The following ANO6 variants were observed in gnomAD, a reference collection of about 807,000 sequenced individuals.
ANO6 encodes anoctamin-6.
A neutral mutation model predicts 117.5 loss-of-function variants in ANO6; 106 were observed. The observed-to-expected ratio is 0.90, with a 90% CI of 0.77 to 1.06. The LOEUF is 1.06. Among genes scored for constraint, ANO6 ranks in the 50% least tolerant of loss-of-function variants. The probability of loss-of-function intolerance (pLI) is 0.00; values close to 1 mark genes in which losing one functional copy is unlikely to be tolerated. For missense variants in ANO6, 955 were observed against 1,121.1 expected, an observed-to-expected ratio of 0.85 and a Z score of 2.12; for synonymous variants, 367 against 385.1, an observed-to-expected ratio of 0.95 and a Z score of 0.55.
Position 45,409,412 on chromosome 12 carries a change from A to G in ANO6, c.1936A>G (p.Thr646Ala). 2 of 1,614,050 alleles carry G rather than the reference A, an allele frequency of 1.2e-6. No individual in the cohort carries two copies. Among genetic ancestry groups the G allele is most frequent in the Non-Finnish European group, 1.7e-6 (2 of 1,179,930 alleles). Residue 646 changes from threonine to alanine, a missense_variant, in exon 16 of 20, where the codon ACC becomes GCC. Physicochemically the swap from Thr to Ala is moderately conservative, Grantham distance 58 (BLOSUM62 0). Transcript: ENST00000320560. ...CAGAGTTTCTGGATCAGAAAAGATA[A>G]CCCCACGATGGGAACAGGACTACCA... ...FHRVSGSEKI[T>A]PRWEQDYHLQ...
chr12:45,262,052 G>A (rs915300408), intron 1 of ANO6, among the ~76,000 whole-genome samples: 2 of 152,122 alleles, frequency 1.3e-5, no homozygotes, highest in African/African-American at 2.4e-5. Context: ...TATCCATGCT[G>A]CTTGATGTCT....
At chr12:45,350,237 T>C (rs1592999653) in intron 6 of ANO6, among the ~76,000 whole-genome samples, 4 of 152,216 alleles carry the variant, frequency 2.6e-5, no homozygotes, top group South Asian at 2.1e-4. Flanking sequence ...GGTTTTAGAA[T>C]TGACCCTGCT....
intron 1 of ANO6, among the ~76,000 whole-genome samples, chr12:45,249,672 C>A (rs1275623894): frequency 6.6e-6 from 1 of 152,124 alleles, no homozygotes. Context: ...TTTCAAAAAT[C>A]TTTAATATTT....
chr12:45,428,241 A>G (rs188252323), intron 19 of ANO6, among the ~76,000 whole-genome samples: 1 of 152,356 alleles, frequency 6.6e-6, no homozygotes, highest in East Asian at 1.9e-4. Flanking sequence ...ATTATAGTGT[A>G]GTCACACAGA....
At chr12:45,421,308 C>T (rs1294609095) in intron 18 of ANO6, 35 bp downstream of exon 18, 3 of 1,593,852 alleles carry the variant, frequency 1.9e-6, no homozygotes, top group Non-Finnish European at 2.6e-6. Flanking sequence ...AAATGCACTT[C>T]ATCTTTAAAA....
intron 1 of ANO6, among the ~76,000 whole-genome samples, chr12:45,281,173 C>G (rs1938719585): frequency 6.6e-6 from 1 of 152,134 alleles, no homozygotes; most frequent in Admixed American, 6.5e-5. Context: ...CTTATTTATT[C>G]ATTTAGTAAA....
rs59579814 is a variant in ANO6 at position 45,244,403 on chromosome 12, TGGG to T, written c.70+28022_70+28024del. ...GGTTACTACATAGGGCTTCTCTATT[TGGG>T]GGGGGGGGGTGGTCTGTGGATCTGC... On this transcript the variant is annotated intron_variant, in intron 1 of 19. Transcript: ENST00000320560. 8.3e-5 allele frequency among the ~76,000 whole-genome samples: 6 copies of T among 72,312 alleles called. 1 individual carries two copies. Among genetic ancestry groups the T allele is most frequent in the African/African-American group, 2.2e-4 (5 of 23,200 alleles). The allele number at this position is 72,312 out of a possible 152,430, so 47.4% of individuals were successfully genotyped here.
chr12:45,273,415 C>T (rs1192652987), intron 1 of ANO6, among the ~76,000 whole-genome samples: 1 of 152,138 alleles, frequency 6.6e-6, no homozygotes, highest in Non-Finnish European at 1.5e-5. Flanking sequence ...AGAAACTACA[C>T]ATTTGATTTG....
intron 19 of ANO6, among the ~76,000 whole-genome samples, chr12:45,427,936 CAAAAAAA>C: frequency 1.6e-5 from 1 of 62,968 alleles, no homozygotes; most frequent in African/African-American, 5.3e-5. Context: ...GACTCTGCCT[CAAAAAAA>C]AAAAAAAAAA....
intron 1 of ANO6, among the ~76,000 whole-genome samples, chr12:45,227,356 G>T: frequency 6.6e-6 from 1 of 152,188 alleles, no homozygotes; most frequent in Non-Finnish European, 1.5e-5. Context: ...ATTGGCTGCT[G>T]TTGATATAGA....
intron 8 of ANO6, among the ~76,000 whole-genome samples, chr12:45,360,371 G>A (rs1352074678): frequency 1.3e-5 from 2 of 152,154 alleles, no homozygotes; most frequent in African/African-American, 2.4e-5. Context: ...GGGCAAGTGG[G>A]GAGAACTCCC....
chr12:45,223,487 C>T (rs892944217), intron 1 of ANO6, among the ~76,000 whole-genome samples: 7 of 152,174 alleles, frequency 4.6e-5, no homozygotes, highest in African/African-American at 1.4e-4. Flanking sequence ...TTTTTCTGCT[C>T]ACAGCCTCCC....
At chr12:45,373,263 G>A (rs1256656116) in intron 9 of ANO6, among the ~76,000 whole-genome samples, 9 of 152,010 alleles carry the variant, frequency 5.9e-5, no homozygotes, top group African/African-American at 2.2e-4. Context: ...TTAATAATGG[G>A]AGACTTTAAC....
At chr12:45,384,323 T>A (rs184021965) in intron 10 of ANO6, among the ~76,000 whole-genome samples, 81 of 152,368 alleles carry the variant, frequency 5.3e-4, no homozygotes, top group African/African-American at 1.7e-3. Flanking sequence ...GTTGTTTCAC[T>A]TTTTTGTCAT....
chr12:45,399,804 CTACAAGG>C (rs1470602922), intron 12 of ANO6, among the ~76,000 whole-genome samples: 1 of 152,126 alleles, frequency 6.6e-6, no homozygotes, highest in Non-Finnish European at 1.5e-5. Flanking sequence ...TCAGTGTTCA[CTACAAGG>C]TACTTTCAGA....
chr12:45,271,585 G>A (rs1304642279), intron 1 of ANO6, among the ~76,000 whole-genome samples: 1 of 152,052 alleles, frequency 6.6e-6, no homozygotes. Context: ...TCTATCTTCT[G>A]TCATTGCAGT....
In ANO6 at chr12:45,289,107, T is replaced by C. The variant is rs547632709; in HGVS notation, c.71-12907T>C. ...ACCCTAATTGATTTAAGCAATCAAGTATTTCCTAGTAGAATTATAAGATCA... is the reference window on the plus strand; with the variant it reads ...ACCCTAATTGATTTAAGCAATCAAGCATTTCCTAGTAGAATTATAAGATCA... On this transcript the variant is annotated intron_variant, in intron 1 of 19. Transcript: ENST00000320560. Among the ~76,000 whole-genome samples the C allele has an allele frequency of 1.1e-4, 16 of 151,962 alleles. No individual in the cohort carries two copies. In the South Asian group the frequency reaches 3.1e-3, roughly 30 times the overall value.
intron 1 of ANO6, among the ~76,000 whole-genome samples, chr12:45,257,332 T>A (rs995649402): frequency 6.6e-6 from 1 of 152,142 alleles, no homozygotes. Context: ...CTAATCTCCT[T>A]GCTCATTGTT....
At chr12:45,238,882 G>C (rs1430335574) in intron 1 of ANO6, among the ~76,000 whole-genome samples, 1 of 152,160 alleles carries the variant, frequency 6.6e-6, no homozygotes, top group Non-Finnish European at 1.5e-5. Context: ...TGCATCCCAG[G>C]GATGAAGCTG....
Sources: allele counts gnomAD v4.1 joint callset (sites outside exome capture counted in the v4.1 genomes callset), GRCh38; gene constraint gnomAD v4.1.1; transcripts MANE v1.5; gene names NCBI Gene and HGNC (gene_info 2026-07-23, HGNC 2026-07-21).